KCNK16: variants seen among roughly 807,000 people sequenced by gnomAD.
KCNK16 encodes potassium two pore domain channel subfamily K member 16, also known as potassium channel subfamily K member 16.
KCNK16 carries 23 observed loss-of-function variants against 23.0 expected under a neutral mutation model. That is an observed-to-expected ratio of 1.00 (90% CI 0.72 to 1.41). The LOEUF is 1.41. Ranked by LOEUF, KCNK16 falls within the 40% of genes most tolerant of loss-of-function variation. The probability of loss-of-function intolerance (pLI) is 0.00; values close to 1 mark genes in which losing one functional copy is unlikely to be tolerated. For missense variants in KCNK16, 327 were observed against 365.8 expected (o/e 0.89, Z 0.87); for synonymous variants, 145 against 153.5 (o/e 0.94, Z 0.41).
downstream of KCNK16, chr6:39,315,461 G>T: frequency 1.3e-6 from 2 of 1,530,868 alleles, no homozygotes; most frequent in Non-Finnish European, 1.8e-6. Context: ...CCATGTTCAG[G>T]AAAGTGGGTA....
chr6:39,316,715 A>G, intron 4 of KCNK16, 67 bp downstream of exon 4: 3 of 1,546,420 alleles, frequency 1.9e-6, no homozygotes, highest in Admixed American at 3.6e-5. Context: ...CTCAGCTGAC[A>G]TCTCTCCATC....
downstream of KCNK16, chr6:39,315,572 G>A (rs753712038): frequency 3.8e-5 from 26 of 687,804 alleles, no homozygotes; most frequent in Non-Finnish European, 6.2e-5. Flanking sequence ...CCCCTCGGCT[G>A]AGAGCTTCCT....
chr6:39,314,861 T>C (rs1233551958), downstream of KCNK16: 5 of 837,494 alleles, frequency 6.0e-6, no homozygotes, highest in South Asian at 1.8e-5. Context: ...CCCCAGCTGA[T>C]TGCCACTTGT....
At chr6:39,316,017 G>A (rs2146262), downstream of KCNK16, among the ~76,000 whole-genome samples, 86,369 of 152,046 alleles carry the variant, frequency 0.57, 26,530 homozygotes, top group African/African-American at 0.82. Flanking sequence ...ATCCACACAT[G>A]TCTTTAATCC....
intron 4 of KCNK16, 123 bp from the exon 5 acceptor site, chr6:39,316,565 T>A: frequency 1.5e-6 from 2 of 1,315,158 alleles, no homozygotes; most frequent in Non-Finnish European, 2.1e-6. Flanking sequence ...GAACAGCAGT[T>A]GAGGTAGGTC....
At position 39,319,746 on chromosome 6, in the gene KCNK16, A is replaced by AGTGTGTGTGTGTGTGTGT. The variant is rs146841804; in HGVS notation, c.214-631_214-614dup. On this transcript the variant is annotated intron_variant, in intron 1 of 4. Transcript: ENST00000437525. This position sits in a 1 kb window ranked among gnomAD's most constrained non-coding sequence, Gnocchi z 4.2. ...GGCCAAGACAAAGGTGGCACGTGTG[A>AGTGTGTGTGTGTGTGTGT]GTGTGTGTGTGTGTGTGTGTGTGTG... Among the ~76,000 whole-genome samples, 2 of 148,374 alleles carry AGTGTGTGTGTGTGTGTGT rather than the reference A, an allele frequency of 1.3e-5. No individual in the cohort carries two copies. The highest frequency in any genetic ancestry group is 2.0e-4 in the East Asian group (1 of 4,986).
rs1009928936 is a variant in KCNK16, at chr6:39,319,980, GCT to G, written c.214-849_214-848del. ...CCAGCCGCCTTGGAGAATAGGCAGG[GCT>G]CTCTCCTCCCCTGCCCCAACCCTCT... is the stretch of plus-strand genomic sequence containing the variant. On this transcript the variant is annotated intron_variant, in intron 1 of 4. Coordinates refer to ENST00000437525, the MANE Select transcript of KCNK16 (RefSeq NM_001135106.2). This position sits in a 1 kb window ranked among gnomAD's most constrained non-coding sequence, Gnocchi z 4.2. Among the ~76,000 whole-genome samples, 2 of 152,168 alleles carry G rather than the reference GCT, an allele frequency of 1.3e-5. No individual in the cohort carries two copies. Among genetic ancestry groups the G allele is most frequent in the Non-Finnish European group, 2.9e-5 (2 of 68,018 alleles).
chr6:39,322,949 G>T (rs1055559829), upstream of KCNK16: 1 of 181,158 alleles, frequency 5.5e-6, no homozygotes, highest in Non-Finnish European at 1.2e-5. Flanking sequence ...CGCCCCCAGC[G>T]TCTTCACCCT....
At chr6:39,314,937 G>A, downstream of KCNK16, 2 of 1,464,144 alleles carry the variant, frequency 1.4e-6, no homozygotes, top group Non-Finnish European at 9.2e-7. Flanking sequence ...TTCTGAGAAG[G>A]CCCCCGAAAT....
At position 39,322,589 on chromosome 6, in the gene KCNK16, G is replaced by A; in HGVS notation, c.-49C>T. 7 of 1,532,778 alleles carry A rather than the reference G, an allele frequency of 4.6e-6. No individual in the cohort carries two copies. Among genetic ancestry groups the A allele is most frequent in the Non-Finnish European group, 6.1e-6 (7 of 1,143,430 alleles). 94.9% of individuals were successfully genotyped at this position (1,532,778 alleles called of 1,614,324 possible). A position where few individuals can be genotyped will look rare whatever the true frequency, so the allele number is the denominator to read the frequency against. On this transcript the variant is annotated 5_prime_UTR_variant, in exon 1 of 5. Coordinates refer to ENST00000437525, the MANE Select transcript of KCNK16 (RefSeq NM_001135106.2). ...GCCGTGGGGCTGGCTATGGGGGAGA[G>A]GTGGGAAACAGGTGAGGAGTAAGCA...
At chr6:39,315,237 G>A (rs369618949), downstream of KCNK16, 5 of 1,611,660 alleles carry the variant, frequency 3.1e-6, no homozygotes, top group Non-Finnish European at 4.2e-6. Flanking sequence ...AATCTCTCCT[G>A]GTCAGGGATG....
chr6:39,318,903 T>A (rs1322011093), intron 2 of KCNK16, 116 bp downstream of exon 2: 26 of 709,914 alleles, frequency 3.7e-5, no homozygotes, highest in Non-Finnish European at 6.3e-5. Context: ...ACTCCCTCCC[T>A]GGGCTTCCTG....
In KCNK16 at chr6:39,316,835, A is replaced by C; in HGVS notation, c.608T>G (p.Phe203Cys). The change falls in exon 4 of 5, where the codon TTC becomes TGC. Residue 203 changes from phenylalanine to cysteine, a missense_variant. Physicochemically the swap from Phe to Cys is radical, Grantham distance 205. Coordinates refer to ENST00000437525, the MANE Select transcript of KCNK16 (RefSeq NM_001135106.2). The part of the protein sequence containing the change: ...HVEGWSFSEG[F>C]YFAFITLSTI... ...GCTGAGAGTGATGAAAGCAAAGTAG[A>C]AGCCCTCGCTGAAGCTCCAGCCCTC... 1 of 1,614,114 alleles carries C rather than the reference A, an allele frequency of 6.2e-7. No homozygotes were observed. The highest frequency in any genetic ancestry group is 8.5e-7 in the Non-Finnish European group (1 of 1,180,008).
chr6:39,322,439 C>A lies in KCNK16; in HGVS notation c.102G>T (p.Leu34=), dbSNP rs763240923. Residue 34 remains leucine, a synonymous_variant, in exon 1 of 5, where the codon CTG becomes CTT. Coordinates refer to ENST00000437525, the MANE Select transcript of KCNK16 (RefSeq NM_001135106.2). The part of the protein sequence containing the change: ...YLLLGATIFQ[L]LERQAEAQSR... ...ACTGAGCCTCCGCCTGCCTCTCTAGCAGCTGGAAGATAGTGGCACCGAGCA... is the reference window on the plus strand; with the variant it reads ...ACTGAGCCTCCGCCTGCCTCTCTAGAAGCTGGAAGATAGTGGCACCGAGCA... 6.2e-7 allele frequency: 1 copy of A among 1,614,170 alleles called. No homozygotes were observed. Among genetic ancestry groups the A allele is most frequent in the Non-Finnish European group, 8.5e-7 (1 of 1,180,030 alleles).
downstream of KCNK16, chr6:39,315,054 A>T: frequency 6.2e-7 from 1 of 1,613,298 alleles, no homozygotes; most frequent in Non-Finnish European, 8.5e-7. Context: ...TGTGACTTGG[A>T]CTCCTCTTGC....
At chr6:39,315,024 G>A (rs866810861), downstream of KCNK16, 1 of 1,607,888 alleles carries the variant, frequency 6.2e-7, no homozygotes, top group Non-Finnish European at 8.5e-7. Context: ...TCCTTTCTTG[G>A]ATATGGGGAA....
rs545375340 is a variant in KCNK16, at chr6:39,318,356, C to T, written c.329-404G>A. On this transcript the variant is annotated intron_variant, in intron 2 of 4. Coordinates refer to ENST00000437525, the MANE Select transcript of KCNK16 (RefSeq NM_001135106.2). Reference sequence around the variant, plus strand: ...GATCCAAGTTTGTATCTCTCACCCCCAACTCCATCACTCTGCCTGGAATGT... The same window carrying T: ...GATCCAAGTTTGTATCTCTCACCCCTAACTCCATCACTCTGCCTGGAATGT... 2.0e-5 allele frequency among the ~76,000 whole-genome samples: 3 copies of T among 152,186 alleles called. No homozygotes were observed. In the South Asian group the frequency reaches 6.2e-4, roughly 32 times the overall value.
At chr6:39,316,096 G>A (rs1364394722), downstream of KCNK16, 3 of 1,377,614 alleles carry the variant, frequency 2.2e-6, no homozygotes, top group Non-Finnish European at 2.8e-6. Flanking sequence ...GAGAGCTCCT[G>A]AGACCAGCCC....
chr6:39,318,227 A>G (rs552196872), intron 2 of KCNK16, among the ~76,000 whole-genome samples: 1 of 151,998 alleles, frequency 6.6e-6, no homozygotes, highest in East Asian at 1.9e-4. Context: ...GTTTTATGTC[A>G]TTGCTATGTA....
Sources: gnomAD v4.1 joint callset for allele counts (sites outside exome capture counted in the v4.1 genomes callset) on GRCh38, gnomAD v4.1.1 for gene constraint, Gnocchi (gnomAD v3.1) non-coding constraint, MANE v1.5 for transcripts, NCBI Gene and HGNC (gene_info 2026-07-23, HGNC 2026-07-21) for gene names.